POLG: variants seen among roughly 807,000 people sequenced by gnomAD.
POLG encodes DNA polymerase gamma, catalytic subunit, also known as DNA polymerase subunit gamma-1.
POLG carries 110 observed loss-of-function variants against 155.4 expected under a neutral mutation model. That is an observed-to-expected ratio of 0.71 (90% CI 0.61 to 0.83). The LOEUF (loss-of-function observed/expected upper bound fraction) is 0.83. POLG is among the 40% of genes least tolerant of loss of function. The pLI is 0.00. For synonymous variants in POLG, 701 were observed against 631.5 expected, an observed-to-expected ratio of 1.11 and a Z score of -1.65; for missense variants, 1,685 against 1,627.5, an observed-to-expected ratio of 1.04 and a Z score of -0.61.
Position 89,329,019 on chromosome 15 carries a change from T to C in POLG, c.947A>G (p.Lys316Arg), listed in dbSNP as rs1443383238. 6.2e-7 allele frequency: 1 copy of C among 1,613,456 alleles called. No homozygotes were observed. The highest frequency in any genetic ancestry group is 8.5e-7 in the Non-Finnish European group (1 of 1,180,032). ...SFQRSLWIAAKQGKHKVQPPT... is the reference protein window; with the variant it reads ...SFQRSLWIAARQGKHKVQPPT... ...GGGCTGGACCTTGTGTTTGCCCTGC[T>C]TGGCTGCTATCCACAGACTGCGCTG... The change falls in exon 4 of 23, where the codon AAG becomes AGG. Residue 316 changes from lysine to arginine, a missense_variant. Physicochemically the swap from Lys to Arg is conservative, Grantham distance 26. Coordinates refer to ENST00000268124, the MANE Select transcript of POLG (RefSeq NM_002693.3).
intron 16 of POLG, among the ~76,000 whole-genome samples, chr15:89,321,473 C>T (rs2055395157): frequency 6.6e-6 from 1 of 152,162 alleles, no homozygotes; most frequent in South Asian, 2.1e-4. Flanking sequence ...TATGCCAGAC[C>T]CCTCACCTAC....
rs1416271113 is a variant in POLG at position 89,325,271 on chromosome 15, T to TGAGTGA, written c.1949+178_1949+179insTCACTC. Among the ~76,000 whole-genome samples, 6 of 92,774 alleles carry TGAGTGA rather than the reference T, an allele frequency of 6.5e-5. 3 individuals are homozygous for TGAGTGA. The highest frequency in any genetic ancestry group is 4.2e-4 in the African/African-American group (6 of 14,456). The allele number at this position is 92,774 out of a possible 152,430, so 60.9% of individuals were successfully genotyped here. On this transcript the variant is annotated intron_variant, in intron 10 of 22. Transcript: ENST00000268124. ...GTGAGAGAGAGAGTGAGTGAGTGAG[T>TGAGTGA]GAGAGAGAGAGAAAGAGAGAGAGAG...
chr15:89,318,977 C>T lies in POLG; in HGVS notation c.3227G>A (p.Gly1076Asp), dbSNP rs1381291951. 25 of 1,614,152 alleles carry T rather than the reference C, an allele frequency of 1.5e-5. No individual in the cohort carries two copies. The highest frequency in any genetic ancestry group is 2.1e-5 in the Non-Finnish European group (25 of 1,180,020). ...TSDIPRTPVL[G>D]CCISRALEPS... ...CTCCAGGGCTCGGCTGATGCAGCAGCCCAGCACCGGGGTACGTGGTATGTC... is the reference window on the plus strand; with the variant it reads ...CTCCAGGGCTCGGCTGATGCAGCAGTCCAGCACCGGGGTACGTGGTATGTC... The change falls in exon 20 of 23, where the codon GGC (glycine) becomes GAC (aspartate). Residue 1076 changes from glycine to aspartate, a missense_variant. Physicochemically the swap from Gly to Asp is moderately conservative, Grantham distance 94. Transcript: ENST00000268124.
chr15:89,328,990 TG>T lies in POLG; in HGVS notation c.975del (p.Thr326GlnfsTer39). On this transcript the variant is annotated frameshift_variant, in exon 4 of 23. Transcript: ENST00000268124. LOFTEE classifies it high-confidence loss of function. ...AKQGKHKVQP[P>X]TKQGQKSQRK... Reference sequence around the variant, plus strand: ...CTCTGGGACTTCTGGCCTTGCTTTGTGGGGGGCTGGACCTTGTGTTTGCCCT... The same window carrying T: ...CTCTGGGACTTCTGGCCTTGCTTTGTGGGGGCTGGACCTTGTGTTTGCCCT... The T allele has an allele frequency of 6.2e-7, 1 of 1,613,730 alleles. No homozygotes were observed. Among genetic ancestry groups the T allele is most frequent in the Non-Finnish European group, 8.5e-7 (1 of 1,180,024 alleles).
intron 2 of POLG, among the ~76,000 whole-genome samples, chr15:89,331,049 T>G (rs150936160): frequency 6.6e-6 from 1 of 152,210 alleles, no homozygotes; most frequent in African/African-American, 2.4e-5. Context: ...CACAGATTAT[T>G]CTAAACAATC....
chr15:89,319,686 C>T (rs959722479), intron 18 of POLG, among the ~76,000 whole-genome samples: 27 of 152,298 alleles, frequency 1.8e-4, no homozygotes, highest in Admixed American at 8.5e-4. Flanking sequence ...ATGACCAACA[C>T]GGGCCTTTTA....
At position 89,329,097 on chromosome 15, in the gene POLG, C is replaced by T. The variant is rs146603953; in HGVS notation, c.869G>A (p.Arg290His). 1.1e-5 allele frequency: 17 copies of T among 1,612,072 alleles called. No homozygotes were observed. In the East Asian group the frequency reaches 1.1e-4, roughly 11 times the overall value. The part of the protein sequence containing the change: ...EQYLIQGSRM[R>H]FLDTMSMHMA... ...GTGCATGCTCATGGTGTCCAGGAAA[C>T]GCATGCGGGAACCCTGAGGAGGAGG... The change falls in exon 4 of 23, where the codon CGT becomes CAT. Residue 290 changes from arginine to histidine, a missense_variant. Around this residue, in one of 3 missense-constraint regions of POLG, gnomAD observed 1,210 missense variants for 1,167.1 expected, o/e 1.04. Coordinates refer to ENST00000268124, the MANE Select transcript of POLG (RefSeq NM_002693.3).
In POLG at chr15:89,317,499, G is replaced by A; in HGVS notation, c.3520C>T (p.Pro1174Ser). Residue 1174 changes from proline to serine, a missense_variant, in exon 22 of 23, where the codon CCC (proline) becomes TCC (serine). Physicochemically the swap from Pro to Ser is moderately conservative, Grantham distance 74. Around this residue, in one of 3 missense-constraint regions of POLG, gnomAD observed 470 missense variants for 439.9 expected, o/e 1.07. Transcript: ENST00000268124. ...FAYKLGLNDL[P>S]QSVAFFSAVD... ...GCACTGAAAAAGGCGACTGACTGGG[G>A]CAAGTCATTCAGACCCAGCTTGTAG... is the stretch of plus-strand genomic sequence containing the variant. The A allele has an allele frequency of 5.0e-6, 8 of 1,614,064 alleles. No individual in the cohort carries two copies. The highest frequency in any genetic ancestry group is 6.8e-6 in the Non-Finnish European group (8 of 1,179,956).
intron 21 of POLG, 124 bp downstream of exon 21, chr15:89,318,417 A>G: frequency 1.4e-6 from 1 of 711,750 alleles, no homozygotes; most frequent in Non-Finnish European, 2.4e-6. Flanking sequence ...ATAAATAAAT[A>G]AGCTGAAACA....
chr15:89,320,703 T>C, intron 18 of POLG, 63 bp downstream of exon 18: 1 of 1,589,700 alleles, frequency 6.3e-7, no homozygotes, highest in Non-Finnish European at 8.6e-7. Flanking sequence ...ATGGTAGTAC[T>C]AAAGGACAGT....
chr15:89,320,972 C>T lies in POLG; in HGVS notation c.2775G>A (p.Lys925=). Residue 925 remains lysine, a synonymous_variant, in exon 18 of 23, where the codon AAG becomes AAA. Transcript: ENST00000268124. ...TACTGTGTAGATCAGTGCCCCTGCT[C>T]TTCCTGCCCTGCAGTGTCATCCACC... is the stretch of plus-strand genomic sequence containing the variant. ...AFGWMTLQGR[K]SRGTDLHSKT... The T allele has an allele frequency of 2.5e-6, 4 of 1,597,342 alleles. No individual in the cohort carries two copies. The highest frequency in any genetic ancestry group is 3.4e-6 in the Non-Finnish European group (4 of 1,171,746).
chr15:89,319,427 CA>C lies in POLG; in HGVS notation c.2982-78del, dbSNP rs1344164518. ...CTAGTGCCTTGGCAAGGAATGTTCA[CA>C]TATCACTTCAACTTTTAAAAACACT... On this transcript the variant is annotated intron_variant, in intron 18 of 22. Coordinates refer to ENST00000268124, the MANE Select transcript of POLG (RefSeq NM_002693.3). 22 of 1,580,786 alleles carry C rather than the reference CA, an allele frequency of 1.4e-5. No homozygotes were observed. In the South Asian group the frequency reaches 2.3e-4, roughly 17 times the overall value.
rs1477123259 is a variant in POLG at position 89,325,626 on chromosome 15, G to A, written c.1773C>T (p.Leu591=). ...GTGTGACCCGCATCTGCAGGCTGAG[G>A]AGGCTGGGGCCCGGGGTCCATGCAG... ...DDPAWTPGPS[L]LSLQMRVTPK... is the part of the protein sequence containing the mutation. The change falls in exon 10 of 23, where the codon CTC becomes CTT. Residue 591 remains leucine (L), a synonymous_variant. Coordinates refer to ENST00000268124, the MANE Select transcript of POLG (RefSeq NM_002693.3). 3 of 1,613,386 alleles carry A rather than the reference G, an allele frequency of 1.9e-6. No homozygotes were observed. Among genetic ancestry groups the A allele is most frequent in the Non-Finnish European group, 2.5e-6 (3 of 1,180,024 alleles).
At position 89,316,395 on chromosome 15, in the gene POLG, A is replaced by G. The variant is rs552379295; in HGVS notation, c.*356T>C. On this transcript the variant is annotated 3_prime_UTR_variant, in exon 23 of 23. Coordinates refer to ENST00000268124, the MANE Select transcript of POLG (RefSeq NM_002693.3). Reference sequence around the variant, plus strand: ...TAGAGCATTAATTCTTTCCCCTTCTAGGGCACTGCATCAGAGCATGGGGGA... The same window carrying G: ...TAGAGCATTAATTCTTTCCCCTTCTGGGGCACTGCATCAGAGCATGGGGGA... 1 of 1,611,288 alleles carries G rather than the reference A, an allele frequency of 6.2e-7. No individual in the cohort carries two copies. The highest frequency in any genetic ancestry group is 2.2e-5 in the East Asian group (1 of 44,788).
chr15:89,316,558 A>T lies in POLG; in HGVS notation c.*193T>A. The T allele has an allele frequency of 7.6e-7, 1 of 1,314,186 alleles. No homozygotes were observed. Among genetic ancestry groups the T allele is most frequent in the South Asian group, 1.2e-5 (1 of 80,338 alleles). The allele number at this position is 1,314,186 out of a possible 1,614,324, so 81.4% of individuals were successfully genotyped here. ...TCCTGTAGTCCACACCGATGTTGGC[A>T]TCTTGGTTCTGAACCCACTGAATTC... On this transcript the variant is annotated 3_prime_UTR_variant, in exon 23 of 23. Coordinates refer to ENST00000268124, the MANE Select transcript of POLG (RefSeq NM_002693.3).
chr15:89,324,310 A>G (rs1026490656), intron 10 of POLG, 83 bp from the exon 11 acceptor site: 1 of 1,504,870 alleles, frequency 6.6e-7, no homozygotes, highest in Admixed American at 1.8e-5. Context: ...GCCTTCCACA[A>G]TTCCCTTTGT....
chr15:89,326,512 AT>A, intron 9 of POLG, 99 bp downstream of exon 9: 6 of 1,305,580 alleles, frequency 4.6e-6, no homozygotes, highest in Non-Finnish European at 6.5e-6. Flanking sequence ...ATAAGTATAC[AT>A]GTGCATGATG....
rs563064296 is a variant in POLG, at chr15:89,317,512, A to C, written c.3507T>G (p.Gly1169=). Reference sequence around the variant, plus strand: ...CGACTGACTGGGGCAAGTCATTCAGACCCAGCTTGTAGGCAAACATGCACC... The same window carrying C: ...CGACTGACTGGGGCAAGTCATTCAGCCCCAGCTTGTAGGCAAACATGCACC... The part of the protein sequence containing the change: ...LTRCMFAYKL[G]LNDLPQSVAF... Residue 1169 remains glycine, a synonymous_variant, in exon 22 of 23, where the codon GGT becomes GGG. Coordinates refer to ENST00000268124, the MANE Select transcript of POLG (RefSeq NM_002693.3). The C allele has an allele frequency of 6.2e-7, 1 of 1,614,106 alleles. No homozygotes were observed. Among genetic ancestry groups the C allele is most frequent in the Non-Finnish European group, 8.5e-7 (1 of 1,179,996 alleles).
chr15:89,317,153 G>GACAGGTACA (rs1359671469), intron 22 of POLG: 1 of 606,526 alleles, frequency 1.6e-6, no homozygotes. Flanking sequence ...TGAAGTAGGG[G>GACAGGTACA]ACAGGTACAG....
Sources: gnomAD v4.1 joint callset for allele counts (sites outside exome capture counted in the v4.1 genomes callset) on GRCh38, gnomAD v4.1.1 for gene constraint, gnomAD v4.1.1 regional missense constraint, MANE v1.5 for transcripts, NCBI Gene and HGNC (gene_info 2026-07-23, HGNC 2026-07-21) for gene names.